The following ERBB4 variants were observed in gnomAD, a reference collection of about 807,000 sequenced individuals.
The protein encoded by ERBB4 is receptor tyrosine-protein kinase erbB-4.
Under a neutral mutation model 158.0 loss-of-function variants are expected in ERBB4, and 42 were observed. That is an observed-to-expected ratio of 0.27 (90% CI 0.21 to 0.34). The LOEUF (loss-of-function observed/expected upper bound fraction) is 0.34. ERBB4 is among the 10% of genes least tolerant of loss of function. ERBB4 has a pLI of 1.00. For synonymous variants in ERBB4, 583 were observed against 558.7 expected, an observed-to-expected ratio of 1.04 and a Z score of -0.61; for missense variants, 1,333 against 1,624.1, an observed-to-expected ratio of 0.82 and a Z score of 3.08.
chr2:211,469,231 T>C (rs1025556619), intron 20 of ERBB4, among the ~76,000 whole-genome samples: 4 of 152,150 alleles, frequency 2.6e-5, no homozygotes, highest in South Asian at 4.1e-4. Context: ...CTGAAGTAGA[T>C]TACAGTTAGC....
intron 3 of ERBB4, among the ~76,000 whole-genome samples, chr2:211,830,490 T>G (rs1272548996): frequency 6.6e-6 from 1 of 152,176 alleles, no homozygotes; most frequent in African/African-American, 2.4e-5. Flanking sequence ...CATTTAATTA[T>G]TAGCCTTTAA....
At chr2:211,395,292 T>G (rs1267699341) in intron 25 of ERBB4, among the ~76,000 whole-genome samples, 1 of 152,114 alleles carries the variant, frequency 6.6e-6, no homozygotes, top group African/African-American at 2.4e-5. Flanking sequence ...TAAAGTTTTA[T>G]GATTTAAAAT....
chr2:212,040,053 C>T (rs1403555867), intron 2 of ERBB4, among the ~76,000 whole-genome samples: 1 of 151,074 alleles, frequency 6.6e-6, no homozygotes, highest in African/African-American at 2.4e-5. Context: ...TTCTTAATTT[C>T]CAGAAGCTAA....
chr2:211,550,827 A>G (rs1465672072), intron 20 of ERBB4, among the ~76,000 whole-genome samples: 1 of 151,078 alleles, frequency 6.6e-6, no homozygotes, highest in Non-Finnish European at 1.5e-5. Context: ...GTTCCTGGTT[A>G]GATCATGGCT....
In ERBB4 at chr2:211,422,115, A is replaced by T; in HGVS notation, c.2867-11T>A. ...CATCAATCATCCAACCTGGAAATTT[A>T]CACAGTGAAAATGTCACTATATTCG... On this transcript the variant is annotated splice_polypyrimidine_tract_variant and intron_variant, in intron 23 of 27. Transcript: ENST00000342788. 6.5e-7 allele frequency: 1 copy of T among 1,548,130 alleles called. No individual in the cohort carries two copies. Among genetic ancestry groups the T allele is most frequent in the Non-Finnish European group, 8.9e-7 (1 of 1,120,138 alleles).
intron 2 of ERBB4, among the ~76,000 whole-genome samples, chr2:212,105,495 T>C (rs886306181): frequency 6.6e-6 from 1 of 152,216 alleles, no homozygotes; most frequent in Non-Finnish European, 1.5e-5. Context: ...TCTTTAGCAA[T>C]CACGCTTTTT....
At chr2:211,458,805 C>T (rs2064454508) in intron 20 of ERBB4, among the ~76,000 whole-genome samples, 1 of 152,092 alleles carries the variant, frequency 6.6e-6, no homozygotes, top group South Asian at 2.1e-4. Flanking sequence ...ACATCAAATA[C>T]ACAATGAAAT....
At chr2:212,400,616 TA>T (rs1189003859) in intron 1 of ERBB4, among the ~76,000 whole-genome samples, 2 of 152,186 alleles carry the variant, frequency 1.3e-5, no homozygotes, top group African/African-American at 4.8e-5. Flanking sequence ...AGATTTTTCT[TA>T]TTATGTATTT....
chr2:211,706,971 C>T (rs531115618), intron 9 of ERBB4, among the ~76,000 whole-genome samples: 36 of 152,052 alleles, frequency 2.4e-4, no homozygotes, highest in Admixed American at 1.3e-4. Flanking sequence ...TTTTAATGTG[C>T]AAAGAATTTT....
chr2:211,630,687 C>G (rs746221352), intron 16 of ERBB4, 93 bp from the exon 17 acceptor site: 9 of 1,145,374 alleles, frequency 7.9e-6, no homozygotes, highest in Non-Finnish European at 1.1e-5. Context: ...ACATTATCCA[C>G]ATTTCACAAA....
chr2:212,209,103 A>G (rs1195363898), intron 1 of ERBB4, among the ~76,000 whole-genome samples: 1 of 152,060 alleles, frequency 6.6e-6, no homozygotes, highest in Non-Finnish European at 1.5e-5. Flanking sequence ...AGACTTTCTG[A>G]CCTCATAATT....
intron 1 of ERBB4, among the ~76,000 whole-genome samples, chr2:212,370,893 T>C (rs1297617816): frequency 1.3e-5 from 2 of 152,182 alleles, no homozygotes; most frequent in Non-Finnish European, 2.9e-5. Context: ...TAAAATTTTA[T>C]CTGAATAAAT....
rs2062491309 is a variant in ERBB4 at position 211,377,237 on chromosome 2, C to T, written c.*6378G>A. 4.3e-6 allele frequency: 1 copy of T among 232,900 alleles called. No homozygotes were observed. The highest frequency in any genetic ancestry group is 2.2e-5 in the African/African-American group (1 of 45,270). 14.4% of individuals were successfully genotyped at this position (232,900 alleles called of 1,614,324 possible). Reference sequence around the variant, plus strand: ...TGACATTTGAAAACCAGATTCGTGTCAATATACAGGAGGTATGATTTGCTT... The same window carrying T: ...TGACATTTGAAAACCAGATTCGTGTTAATATACAGGAGGTATGATTTGCTT... On this transcript the variant is annotated 3_prime_UTR_variant, in exon 28 of 28. Transcript: ENST00000342788.
In ERBB4 at chr2:212,156,663, G is replaced by A. The variant is rs144146075; in HGVS notation, c.83-31760C>T. Among the ~76,000 whole-genome samples the A allele has an allele frequency of 1.1e-3, 161 of 152,138 alleles. 5 individuals carry two copies. The East Asian group carries it at 0.027, about 25-fold the overall frequency. On this transcript the variant is annotated intron_variant, in intron 1 of 27. Coordinates refer to ENST00000342788, the MANE Select transcript of ERBB4 (RefSeq NM_005235.3). ...TCATTGTCTTTTTTGGTAAAAGTGAGCAAATATAAGTTCTTGTATTTGTCA... is the reference window on the plus strand; with the variant it reads ...TCATTGTCTTTTTTGGTAAAAGTGAACAAATATAAGTTCTTGTATTTGTCA...
chr2:211,800,279 C>A (rs968140951), intron 3 of ERBB4, among the ~76,000 whole-genome samples: 6 of 152,108 alleles, frequency 3.9e-5, no homozygotes, highest in Non-Finnish European at 7.4e-5. Context: ...TTCTCTTAAT[C>A]CTTACAGAAA....
At chr2:211,427,585 ATGT>A (rs779924979) in intron 22 of ERBB4, among the ~76,000 whole-genome samples, 1 of 152,308 alleles carries the variant, frequency 6.6e-6, no homozygotes, top group East Asian at 1.9e-4. Context: ...ATTAAAATTA[ATGT>A]TGTAATTAGC....
rs115321065 is a variant in ERBB4, at chr2:212,350,112, C to T, written c.82+188337G>A. ...ACAGTTTCTAAATGCAAAGAACTTCCAAGTTATTAGTTAGTGTAAGGCATT... is the reference window on the plus strand; with the variant it reads ...ACAGTTTCTAAATGCAAAGAACTTCTAAGTTATTAGTTAGTGTAAGGCATT... On this transcript the variant is annotated intron_variant, in intron 1 of 27. Transcript: ENST00000342788. Among the ~76,000 whole-genome samples the T allele has an allele frequency of 8.0e-3, 1,212 of 152,112 alleles. 19 individuals are homozygous for T. Among genetic ancestry groups the T allele is most frequent in the African/African-American group, 0.027 (1,124 of 41,516 alleles).
At chr2:211,784,964 A>G (rs946325815) in intron 4 of ERBB4, among the ~76,000 whole-genome samples, 5 of 152,002 alleles carry the variant, frequency 3.3e-5, no homozygotes, top group African/African-American at 1.2e-4. Context: ...TATTTGCTTC[A>G]TGTTATTGAG....
intron 20 of ERBB4, among the ~76,000 whole-genome samples, chr2:211,548,874 T>C (rs1042526242): frequency 6.6e-6 from 1 of 152,134 alleles, no homozygotes; most frequent in Non-Finnish European, 1.5e-5. Context: ...AACAAATTCA[T>C]GCCTCAAGAA....
Sources: allele counts gnomAD v4.1 joint callset (sites outside exome capture counted in the v4.1 genomes callset), GRCh38; gene constraint gnomAD v4.1.1; transcripts MANE v1.5; gene names NCBI Gene and HGNC (gene_info 2026-07-23, HGNC 2026-07-21).